Variants in CUL4B observed in about 807,000 individuals in gnomAD.
The protein encoded by CUL4B is cullin-4B.
CUL4B carries 1 observed loss-of-function variant against 69.2 expected under a neutral mutation model. The observed-to-expected ratio is 0.01, with a 90% CI of 0.01 to 0.07. The LOEUF (loss-of-function observed/expected upper bound fraction) is 0.07, where lower values mean the gene tolerates loss of function less well. Among genes scored for constraint, CUL4B ranks in the 10% least tolerant of loss-of-function variants. The pLI is 1.00. For synonymous variants in CUL4B, 237 were observed against 223.2 expected, an observed-to-expected ratio of 1.06 and a Z score of -0.55; for missense variants, 328 against 638.8, an observed-to-expected ratio of 0.51 and a Z score of 5.24.
intron 9 of CUL4B, among the ~76,000 whole-genome samples, chrX:120,542,469 A>G (rs892563374): frequency 3.6e-5 from 4 of 111,913 alleles, no homozygotes; most frequent in African/African-American, 1.3e-4. Flanking sequence ...AATGTAGGGT[A>G]TACTCTAAAT....
At chrX:120,557,783 T>C (rs1253688090) in intron 2 of CUL4B, 141 bp downstream of exon 2, 6 of 433,759 alleles carry the variant, frequency 1.4e-5, no homozygotes, top group Non-Finnish European at 1.6e-5. Flanking sequence ...GGTCTAATTA[T>C]AGAGTTCATC....
chrX:120,540,051 T>C (rs1055428212), intron 11 of CUL4B, among the ~76,000 whole-genome samples: 1 of 112,283 alleles, frequency 8.9e-6, no homozygotes, highest in African/African-American at 3.2e-5. Flanking sequence ...AATTTCATGC[T>C]GCCCTTTTTT....
chrX:120,573,273 AC>A (rs1161692287), intron 2 of CUL4B, among the ~76,000 whole-genome samples: 2 of 111,101 alleles, frequency 1.8e-5, no homozygotes, highest in Non-Finnish European at 3.8e-5. Context: ...TCTGTCCATG[AC>A]AGTATATAGA....
At chrX:120,552,977 T>G (rs919409029) in intron 2 of CUL4B, among the ~76,000 whole-genome samples, 71 of 112,388 alleles carry the variant, frequency 6.3e-4, no homozygotes, top group African/African-American at 2.0e-3. Context: ...GGAAACCAAC[T>G]ATACAATGAA....
In CUL4B at chrX:120,542,975, G is replaced by C; in HGVS notation, c.1315C>G (p.Leu439Val). 1 of 1,194,513 alleles carries C rather than the reference G, an allele frequency of 8.4e-7. No individual in the cohort carries two copies. Among genetic ancestry groups the C allele is most frequent in the Non-Finnish European group, 1.1e-6 (1 of 881,661 alleles). The change falls in exon 9 of 20, where the codon CTT (leucine) becomes GTT (valine). Residue 439 changes from leucine to valine, a missense_variant. Leu to Val is a conservative substitution (Grantham distance 32, BLOSUM62 1). This residue lies in a region of CUL4B where 126 missense variants were observed against 202.5 expected (regional missense o/e 0.62). Coordinates refer to ENST00000371322, the MANE Select transcript of CUL4B (RefSeq NM_001079872.2). ...QLLGEHLTAI[L>V]QKGLNNLLDE... ...ACAAATTGCCAATTACCTTTCTGAAGAATTGCTGTTAAGTGTTCACCTAGA... is the reference window on the plus strand; with the variant it reads ...ACAAATTGCCAATTACCTTTCTGAACAATTGCTGTTAAGTGTTCACCTAGA...
chrX:120,563,801 T>A (rs1385449351), upstream of CUL4B, among the ~76,000 whole-genome samples: 1 of 112,337 alleles, frequency 8.9e-6, no homozygotes, highest in African/African-American at 3.2e-5. Context: ...CTAGCCATTT[T>A]AAAAAATTAC....
At chrX:120,531,099 G>A (rs1005156086) in intron 18 of CUL4B, among the ~76,000 whole-genome samples, 66 of 110,619 alleles carry the variant, frequency 6.0e-4, no homozygotes, top group Non-Finnish European at 3.4e-4. Context: ...CGAGATGGGC[G>A]GATCATGAGG....
downstream of CUL4B, among the ~76,000 whole-genome samples, chrX:120,569,930 C>G (rs961428710): frequency 4.5e-5 from 5 of 111,247 alleles, no homozygotes; most frequent in African/African-American, 1.6e-4. Flanking sequence ...ACATTTAAAT[C>G]CTAAAGGAAG....
chrX:120,566,369 A>ATGTATATATATATATATATATATATG (rs1187917327), upstream of CUL4B, among the ~76,000 whole-genome samples: 8 of 56,463 alleles, frequency 1.4e-4, no homozygotes, highest in South Asian at 7.9e-4. Context: ...ATATATATAT[A>ATGTATATATATATATATATATATATG]TATATATATA....
At chrX:120,539,504 G>A in intron 11 of CUL4B, 132 bp from the exon 12 acceptor site, 2 of 419,958 alleles carry the variant, frequency 4.8e-6, no homozygotes, top group Non-Finnish European at 8.4e-6. Context: ...ATTTTTAAAA[G>A]TCTCCAAAGT....
chrX:120,561,160 T>A, upstream of CUL4B: 1 of 872,141 alleles, frequency 1.1e-6, no homozygotes, highest in Non-Finnish European at 1.5e-6. Flanking sequence ...AGGGAAGCGC[T>A]GCAGCCGCCC....
chrX:120,559,764 A>C, intron 1 of CUL4B: 1 of 1,051,776 alleles, frequency 9.5e-7, no homozygotes, highest in East Asian at 5.1e-5. Context: ...CCTCTTTAGA[A>C]TACAAATTTC....
Position 120,560,784 on chromosome X carries a change from G to T in CUL4B, c.-146C>A. On this transcript the variant is annotated 5_prime_UTR_variant, in exon 1 of 20. Transcript: ENST00000371322. ...ACAGAGGACGAGAAGGAAAGTGAAG[G>T]GGGGGGCTACACCGGGGGAATGGGA... 1 of 672,680 alleles carries T rather than the reference G, an allele frequency of 1.5e-6. No individual in the cohort carries two copies. Among genetic ancestry groups the T allele is most frequent in the Non-Finnish European group, 1.9e-6 (1 of 528,789 alleles). 55.4% of individuals were successfully genotyped at this position (672,680 alleles called of 1,213,427 possible).
rs1925249597 is a variant in CUL4B, at chrX:120,560,822, G to A, written c.-184C>T. 4.1e-6 allele frequency: 4 copies of A among 980,282 alleles called. No individual in the cohort carries two copies. The highest frequency in any genetic ancestry group is 5.1e-5 in the East Asian group (1 of 19,530). 80.8% of individuals were successfully genotyped at this position (980,282 alleles called of 1,213,427 possible). A position where few individuals can be genotyped will look rare whatever the true frequency, so the allele number is the denominator to read the frequency against. On this transcript the variant is annotated 5_prime_UTR_variant, in exon 1 of 20. Transcript: ENST00000371322. ...CGGGGGAATGGGAGGGTTTGGGAAG[G>A]CGGATAGGCTGACACCAGGAGTGAG... is the stretch of plus-strand genomic sequence containing the variant.
chrX:120,560,236 G>C lies in CUL4B; in HGVS notation c.403C>G (p.Gln135Glu), dbSNP rs747127577. Residue 135 changes from glutamine to glutamate, a missense_variant, in exon 1 of 20, where the codon CAG (glutamine) becomes GAG (glutamate). Gln to Glu is a conservative substitution (Grantham distance 29, BLOSUM62 2). Transcript: ENST00000371322. ...CTCTTATTTTTAAGTTGCTGCTGCT[G>C]AGATGTTGCAGCAGTTGGTGAAGAT... ...SSSSPTAATS[Q>E]QQQLKNKSIL... 8.3e-7 allele frequency: 1 copy of C among 1,211,352 alleles called. No homozygotes were observed. The highest frequency in any genetic ancestry group is 1.1e-6 in the Non-Finnish European group (1 of 895,006).
chrX:120,542,860 A>T (rs1924078760), intron 9 of CUL4B, 106 bp downstream of exon 9: 1 of 555,803 alleles, frequency 1.8e-6, no homozygotes, highest in Non-Finnish European at 3.1e-6. Flanking sequence ...TCAGAAATGC[A>T]GCCACATGCT....
intron 2 of CUL4B, among the ~76,000 whole-genome samples, chrX:120,552,072 TTG>T (rs1924723293): frequency 8.9e-6 from 1 of 112,447 alleles, no homozygotes; most frequent in Admixed American, 9.5e-5. Flanking sequence ...ATATTATGCA[TTG>T]TTTTATTTAA....
rs1264984549 is a variant in CUL4B, at chrX:120,530,646, G to A, written c.2440-392C>T. On this transcript the variant is annotated intron_variant, in intron 18 of 19. Transcript: ENST00000371322. Reference sequence around the variant, plus strand: ...CTCTATGACAATAGCTTGTCTATAAGGTGACTCTGTCTGATCTCTGACTCA... The same window carrying A: ...CTCTATGACAATAGCTTGTCTATAAAGTGACTCTGTCTGATCTCTGACTCA... 3.6e-5 allele frequency among the ~76,000 whole-genome samples: 4 copies of A among 111,891 alleles called. No homozygotes were observed. In the Admixed American group the frequency reaches 3.8e-4, roughly 11 times the overall value.
Position 120,535,734 on chromosome X carries a change from A to C in CUL4B, c.2160+96T>G, listed in dbSNP as rs1388052565. ...AAAAAAAAAAAAAAAAAAAAGAAGA[A>C]AACAAAAAACAATAGCCTAAACTTT... On this transcript the variant is annotated intron_variant, in intron 16 of 19. Coordinates refer to ENST00000371322, the MANE Select transcript of CUL4B (RefSeq NM_001079872.2). The C allele has an allele frequency of 2.5e-5, 13 of 522,357 alleles. No homozygotes were observed. In the African/African-American group the frequency reaches 2.7e-4, roughly 11 times the overall value. 43.0% of individuals were successfully genotyped at this position (522,357 alleles called of 1,213,427 possible). A position where few individuals can be genotyped will look rare whatever the true frequency, so the allele number is the denominator to read the frequency against.
Sources: allele counts gnomAD v4.1 joint callset (sites outside exome capture counted in the v4.1 genomes callset), GRCh38; gene constraint gnomAD v4.1.1; regional missense constraint gnomAD v4.1.1; transcripts MANE v1.5; gene names NCBI Gene and HGNC (gene_info 2026-07-23, HGNC 2026-07-21).